Variants in ITGA10 observed in about 807,000 individuals in gnomAD.
ITGA10 encodes integrin alpha-10.
In ITGA10, 105 loss-of-function variants were observed where a neutral mutation model predicts 145.2. That is an observed-to-expected ratio of 0.72 (90% CI 0.62 to 0.85). The LOEUF (loss-of-function observed/expected upper bound fraction) is 0.85. ITGA10 is among the 40% of genes least tolerant of loss of function. The probability of loss-of-function intolerance (pLI) is 0.00; values close to 1 mark genes in which losing one functional copy is unlikely to be tolerated. For synonymous variants in ITGA10, 506 were observed against 557.8 expected, an observed-to-expected ratio of 0.91 and a Z score of 1.31; for missense variants, 1,317 against 1,444.5, an observed-to-expected ratio of 0.91 and a Z score of 1.43.
Position 145,893,234 on chromosome 1 carries a change from G to A in ITGA10, c.3365C>T (p.Ser1122Phe). 1 of 1,614,128 alleles carries A rather than the reference G, an allele frequency of 6.2e-7. No homozygotes were observed. The part of the protein sequence containing the change: ...EVVQTRPILI[S>F]LWILIGSVLG... ...GACACTGCCTATGAGGATCCACAGGGAGATGAGGATAGGCCGGGTCTGAAC... is the reference window on the plus strand; with the variant it reads ...GACACTGCCTATGAGGATCCACAGGAAGATGAGGATAGGCCGGGTCTGAAC... The change falls in exon 29 of 30, where the codon TCC (serine) becomes TTC (phenylalanine). Residue 1122 changes from serine to phenylalanine, a missense_variant. By Grantham distance (155) the Ser-to-Phe change is radical. Coordinates refer to ENST00000369304, the MANE Select transcript of ITGA10 (RefSeq NM_003637.5).
Position 145,901,226 on chromosome 1 carries a change from C to T in ITGA10, c.1496G>A (p.Gly499Glu). The T allele has an allele frequency of 3.1e-6, 5 of 1,614,042 alleles. No homozygotes were observed. Among genetic ancestry groups the T allele is most frequent in the Non-Finnish European group, 4.2e-6 (5 of 1,180,004 alleles). ...ELCPLDTDRD[G>E]TTDVLLVAAP... ...AGCCACAAGTAAGACATCAGTTGTT[C>T]CATCCCTATCTGTATCCAATGGGCA... The change falls in exon 13 of 30, where the codon GGA becomes GAA. Residue 499 changes from glycine to glutamate, a missense_variant. Coordinates refer to ENST00000369304, the MANE Select transcript of ITGA10 (RefSeq NM_003637.5). This position sits in a 1 kb window ranked among gnomAD's most constrained non-coding sequence, Gnocchi z 4.3.
chr1:145,896,812 T>A lies in ITGA10; in HGVS notation c.2791A>T (p.Thr931Ser), dbSNP rs142907857. The change falls in exon 23 of 30, where the codon ACC becomes TCC. Residue 931 changes from threonine (T) to serine (S), a missense_variant. By Grantham distance (58) the Thr-to-Ser change is moderately conservative. Coordinates refer to ENST00000369304, the MANE Select transcript of ITGA10 (RefSeq NM_003637.5). ...GGCTCATATTGGATGTAGGCTGAGG[T>A]CTGGGCTGTGTTATCTTGAAGGGTC... ...NGTLQDNTAQ[T>S]SAYIQYEPHL... 1 of 1,613,888 alleles carries A rather than the reference T, an allele frequency of 6.2e-7. No individual in the cohort carries two copies. The highest frequency in any genetic ancestry group is 1.3e-5 in the African/African-American group (1 of 74,938).
Position 145,902,539 on chromosome 1 carries a change from A to C in ITGA10, c.990T>G (p.Asp330Glu), listed in dbSNP as rs1326414712. ...CTGTGACATTGAAGAAGAATCGCTC[A>C]TCTGGATCACTGGCAATAGTTCTAA... The part of the protein sequence containing the change: ...REIRTIASDP[D>E]ERFFFNVTDE... Residue 330 changes from aspartate (D) to glutamate (E), a missense_variant, in exon 9 of 30, where the codon GAT becomes GAG. Transcript: ENST00000369304. The C allele has an allele frequency of 2.5e-6, 4 of 1,613,894 alleles. No individual in the cohort carries two copies. The African/African-American group carries it at 5.3e-5, about 22-fold the overall frequency.
chr1:145,901,435 T>A lies in ITGA10; in HGVS notation c.1443+81A>T. ...TCCGCACAGACTTTGGAGGCCTCTC[T>A]CTTACCCACTTCACACTCCTCCCCA... On this transcript the variant is annotated intron_variant, in intron 12 of 29. Coordinates refer to ENST00000369304, the MANE Select transcript of ITGA10 (RefSeq NM_003637.5). The surrounding 1 kb of genome is among the most constrained non-coding windows in gnomAD (Gnocchi z 4.3). 2.0e-6 allele frequency: 3 copies of A among 1,493,382 alleles called. No individual in the cohort carries two copies. Among genetic ancestry groups the A allele is most frequent in the Non-Finnish European group, 2.7e-6 (3 of 1,113,078 alleles). The allele number at this position is 1,493,382 out of a possible 1,614,324, so 92.5% of individuals were successfully genotyped here.
At chr1:145,894,988 A>G (rs1655182029) in intron 27 of ITGA10, among the ~76,000 whole-genome samples, 1 of 152,166 alleles carries the variant, frequency 6.6e-6, no homozygotes, top group African/African-American at 2.4e-5. Flanking sequence ...AAAAAAAAGT[A>G]ATGGTCAGTG....
rs1553749237 is a variant in ITGA10 at position 145,902,502 on chromosome 1, G to C, written c.1027C>G (p.Leu343Val). ...FFFNVTDEAA[L>V]TDIVDALGDR... ...CCTAGTGCATCCACAATGTCAGTCAGAGCAGCCTCATCTGTGACATTGAAG... is the reference window on the plus strand; with the variant it reads ...CCTAGTGCATCCACAATGTCAGTCACAGCAGCCTCATCTGTGACATTGAAG... The change falls in exon 9 of 30, where the codon CTG (leucine) becomes GTG (valine). Residue 343 changes from leucine (L) to valine (V), a missense_variant. By Grantham distance (32) the Leu-to-Val change is conservative. Transcript: ENST00000369304. 1 of 1,613,682 alleles carries C rather than the reference G, an allele frequency of 6.2e-7. No individual in the cohort carries two copies. The highest frequency in any genetic ancestry group is 2.2e-5 in the East Asian group (1 of 44,884).
rs782416335 is a variant in ITGA10 at position 145,899,033 on chromosome 1, C to A, written c.2135G>T (p.Arg712Leu). 2.8e-5 allele frequency: 46 copies of A among 1,614,104 alleles called. No homozygotes were observed. In the East Asian group the frequency reaches 8.2e-4, roughly 29 times the overall value. ...ASLDEWTAGA[R>L]AAFDGSGQRL... ...CTGGCCAGAGCCATCAAATGCTGCACGTGCCCCAGCAGTCCATTCATCCAG... is the reference window on the plus strand; with the variant it reads ...CTGGCCAGAGCCATCAAATGCTGCAAGTGCCCCAGCAGTCCATTCATCCAG... Residue 712 changes from arginine (R) to leucine (L), a missense_variant, in exon 17 of 30, where the codon CGT becomes CTT. Physicochemically the swap from Arg to Leu is moderately radical, Grantham distance 102 (BLOSUM62 -2). Transcript: ENST00000369304.
At chr1:145,893,344 A>C in intron 28 of ITGA10, 70 bp from the exon 29 acceptor site, 3 of 1,157,534 alleles carry the variant, frequency 2.6e-6, no homozygotes, top group South Asian at 1.2e-5. Context: ...ACATTATATC[A>C]AAGCCAGCCC....
rs1656907149 is a variant in ITGA10 at position 145,904,869 on chromosome 1, G to C, written c.482-58C>G. ...ACTGAGCTGGGGGCAACAAGGGAAA[G>C]AGGTCACAGGAGGACACATTCAATT... On this transcript the variant is annotated intron_variant, in intron 5 of 29. Transcript: ENST00000369304. 4 of 1,565,426 alleles carry C rather than the reference G, an allele frequency of 2.6e-6. 1 individual carries two copies. In the African/African-American group the frequency reaches 5.4e-5, roughly 21 times the overall value.
rs782543907 is a variant in ITGA10 at position 145,892,835 on chromosome 1, G to A, written c.3467C>T (p.Pro1156Leu). Reference sequence around the variant, plus strand: ...CTTCTCTTCTCTTTTTTCTTCCTCAGGGATTTTCTTATGGGCAAAGAAGCC... The same window carrying A: ...CTTCTCTTCTCTTTTTTCTTCCTCAAGGATTTTCTTATGGGCAAAGAAGCC... ...KLGFFAHKKI[P>L]EEEKREEKLE... Residue 1156 changes from proline (P) to leucine (L), a missense_variant, in exon 30 of 30, where the codon CCT becomes CTT. Transcript: ENST00000369304. The A allele has an allele frequency of 6.2e-7, 1 of 1,613,680 alleles. No individual in the cohort carries two copies. Among genetic ancestry groups the A allele is most frequent in the Admixed American group, 1.7e-5 (1 of 59,984 alleles).
chr1:145,904,027 C>T (rs782155742), intron 7 of ITGA10, 25 bp downstream of exon 7: 19 of 1,613,130 alleles, frequency 1.2e-5, no homozygotes, highest in Non-Finnish European at 1.6e-5. Flanking sequence ...TCTAGCCTCC[C>T]ACACCTGTCT....
Position 145,901,206 on chromosome 1 carries a change from C to G in ITGA10, c.1516G>C (p.Val506Leu). Residue 506 changes from valine (V) to leucine (L), a missense_variant, in exon 13 of 30, where the codon GTG becomes CTG. By Grantham distance (32) the Val-to-Leu change is conservative (BLOSUM62 1). Transcript: ENST00000369304. The surrounding 1 kb of genome is among the most constrained non-coding windows in gnomAD (Gnocchi z 4.3). ...GGTCCCAGGAACATGGGGGCAGCCACAAGTAAGACATCAGTTGTTCCATCC... is the reference window on the plus strand; with the variant it reads ...GGTCCCAGGAACATGGGGGCAGCCAGAAGTAAGACATCAGTTGTTCCATCC... ...DRDGTTDVLL[V>L]AAPMFLGPQN... 1 of 1,614,070 alleles carries G rather than the reference C, an allele frequency of 6.2e-7. No homozygotes were observed. The highest frequency in any genetic ancestry group is 8.5e-7 in the Non-Finnish European group (1 of 1,180,034).
At position 145,901,443 on chromosome 1, in the gene ITGA10, A is replaced by G; in HGVS notation, c.1443+73T>C. On this transcript the variant is annotated intron_variant, in intron 12 of 29. Coordinates refer to ENST00000369304, the MANE Select transcript of ITGA10 (RefSeq NM_003637.5). The surrounding 1 kb of genome is among the most constrained non-coding windows in gnomAD (Gnocchi z 4.3). ...GACTTTGGAGGCCTCTCTCTTACCC[A>G]CTTCACACTCCTCCCCAACAGCCCA... The G allele has an allele frequency of 1.3e-6, 2 of 1,501,398 alleles. No homozygotes were observed. Among genetic ancestry groups the G allele is most frequent in the East Asian group, 2.3e-5 (1 of 43,534 alleles). The allele number at this position is 1,501,398 out of a possible 1,614,324, so 93.0% of individuals were successfully genotyped here. A position where few individuals can be genotyped will look rare whatever the true frequency, so the allele number is the denominator to read the frequency against.
At position 145,897,533 on chromosome 1, in the gene ITGA10, G is replaced by A. The variant is rs1209604887; in HGVS notation, c.2553C>T (p.His851=). 2 of 1,614,014 alleles carry A rather than the reference G, an allele frequency of 1.2e-6. No individual in the cohort carries two copies. The highest frequency in any genetic ancestry group is 2.7e-5 in the African/African-American group (2 of 74,898). The stretch of plus-strand genomic sequence containing the variant: ...GCACCTGAGGAGTGAGACTGGCCAG[G>A]TGGAGGTTTCTAGAGAAGATGAGAC... ...SLSLIFSRNL[H]LASLTPQRES... The change falls in exon 20 of 30, where the codon CAC becomes CAT. Residue 851 remains histidine (H), a synonymous_variant. Coordinates refer to ENST00000369304, the MANE Select transcript of ITGA10 (RefSeq NM_003637.5).
intron 25 of ITGA10, 41 bp downstream of exon 25, chr1:145,895,942 T>A: frequency 6.7e-7 from 1 of 1,486,496 alleles, no homozygotes; most frequent in Non-Finnish European, 9.4e-7. Flanking sequence ...GTCCACCAGC[T>A]CAAGGTGGCA....
rs1654889584 is a variant in ITGA10, at chr1:145,892,831, C to T, written c.3471G>A (p.Glu1157=). The change falls in exon 30 of 30, where the codon GAG becomes GAA. Residue 1157 remains glutamate (E), a synonymous_variant. Coordinates refer to ENST00000369304, the MANE Select transcript of ITGA10 (RefSeq NM_003637.5). ...LGFFAHKKIP[E]EEKREEKLEQ ...CCAACTTCTCTTCTCTTTTTTCTTC[C>T]TCAGGGATTTTCTTATGGGCAAAGA... 1.9e-6 allele frequency: 3 copies of T among 1,613,592 alleles called. No individual in the cohort carries two copies. The highest frequency in any genetic ancestry group is 2.5e-6 in the Non-Finnish European group (3 of 1,179,676).
Position 145,904,692 on chromosome 1 carries a change from G to C in ITGA10, c.601C>G (p.Gln201Glu). Residue 201 changes from glutamine to glutamate, a missense_variant, in exon 6 of 30, where the codon CAG (glutamine) becomes GAG (glutamate). By Grantham distance (29) the Gln-to-Glu change is conservative. Transcript: ENST00000369304. ...ATATTGCCTTCTCTTACCTGTATCT[G>C]TTCTGGGTCAATAAACAGTTTCCCT... ...LVGKLFIDPE[Q>E]IQVGLVQYGE... is the part of the protein sequence containing the mutation. 6.2e-7 allele frequency: 1 copy of C among 1,613,996 alleles called. No individual in the cohort carries two copies. Among genetic ancestry groups the C allele is most frequent in the East Asian group, 2.2e-5 (1 of 44,886 alleles).
At chr1:145,908,821 T>C (rs182049402) in intron 1 of ITGA10, among the ~76,000 whole-genome samples, 28 of 152,284 alleles carry the variant, frequency 1.8e-4, no homozygotes, top group African/African-American at 6.5e-4. Flanking sequence ...CTGCAGCTCA[T>C]TGGTTAGATA....
chr1:145,902,521 A>G lies in ITGA10; in HGVS notation c.1008T>C (p.Asn336=). Residue 336 remains asparagine, a synonymous_variant, in exon 9 of 30, where the codon AAT becomes AAC. Coordinates refer to ENST00000369304, the MANE Select transcript of ITGA10 (RefSeq NM_003637.5). ...ASDPDERFFF[N]VTDEAALTDI... ...CAGTCAGAGCAGCCTCATCTGTGAC[A>G]TTGAAGAAGAATCGCTCATCTGGAT... The G allele has an allele frequency of 1.2e-6, 2 of 1,614,012 alleles. No individual in the cohort carries two copies.
Sources: allele counts gnomAD v4.1 joint callset (sites outside exome capture counted in the v4.1 genomes callset), GRCh38; gene constraint gnomAD v4.1.1; non-coding constraint Gnocchi (gnomAD v3.1); transcripts MANE v1.5; gene names NCBI Gene and HGNC (gene_info 2026-07-23, HGNC 2026-07-21).